The following LYPD6B variants were observed in gnomAD, a reference collection of about 807,000 sequenced individuals.
LYPD6B encodes LY6/PLAUR domain containing 6B, also known as ly6/PLAUR domain-containing protein 6B.
Under a neutral mutation model 22.8 loss-of-function variants are expected in LYPD6B, and 17 were observed. The ratio of observed to expected loss-of-function variants is 0.75; its 90% CI spans 0.51 to 1.12. The LOEUF (loss-of-function observed/expected upper bound fraction) is 1.12. Ranked by LOEUF, LYPD6B falls within the 50% of genes most tolerant of loss-of-function variation. The pLI is 0.00. For missense variants in LYPD6B, 221 were observed against 258.3 expected, an observed-to-expected ratio of 0.86 and a Z score of 0.99; for synonymous variants, 106 against 91.6, an observed-to-expected ratio of 1.16 and a Z score of -0.90.
chr2:149,125,672 A>G (rs763315033), intron 1 of LYPD6B, among the ~76,000 whole-genome samples: 2 of 152,156 alleles, frequency 1.3e-5, no homozygotes, highest in Admixed American at 1.3e-4. Context: ...CTTAACTCCA[A>G]TCACTCTCTC....
intron 1 of LYPD6B, among the ~76,000 whole-genome samples, chr2:149,053,112 C>G (rs1683638673): frequency 6.6e-6 from 1 of 152,018 alleles, no homozygotes; most frequent in Admixed American, 6.6e-5. Context: ...TAGTGTTGGA[C>G]AGAATAGTTT....
intron 1 of LYPD6B, among the ~76,000 whole-genome samples, chr2:149,056,502 G>A (rs1444918246): frequency 3.9e-5 from 6 of 152,188 alleles, no homozygotes; most frequent in African/African-American, 1.4e-4. Context: ...TCAAAGAATT[G>A]TAGAACTGGA....
At chr2:149,191,295 T>A in intron 3 of LYPD6B, among the ~76,000 whole-genome samples, 1 of 152,198 alleles carries the variant, frequency 6.6e-6, no homozygotes, top group Non-Finnish European at 1.5e-5. Context: ...CTTAATTAAA[T>A]AATGTAAAAT....
At chr2:149,041,551 A>G (rs1452651367) in intron 1 of LYPD6B, among the ~76,000 whole-genome samples, 2 of 152,204 alleles carry the variant, frequency 1.3e-5, no homozygotes, top group East Asian at 1.9e-4. Flanking sequence ...CTGAGCATCC[A>G]TGCTCCATGT....
At chr2:149,142,966 A>G (rs534311975) in intron 2 of LYPD6B, among the ~76,000 whole-genome samples, 1 of 152,372 alleles carries the variant, frequency 6.6e-6, no homozygotes, top group African/African-American at 2.4e-5. Context: ...AGTTGAAAAG[A>G]TAGTACAAAG....
rs1046021138 is a variant in LYPD6B, at chr2:149,138,573, G to T, written c.5+7620G>T. Among the ~76,000 whole-genome samples, 3 of 152,142 alleles carry T rather than the reference G, an allele frequency of 2.0e-5. No individual in the cohort carries two copies. The East Asian group carries it at 5.8e-4, about 29-fold the overall frequency. ...TTTTTTTAAGTAGACACAGGGTCTT[G>T]CTCTGTCACCCAGGCTGGAGTGCAG... is the stretch of plus-strand genomic sequence containing the variant. On this transcript the variant is annotated intron_variant, in intron 2 of 6. Coordinates refer to ENST00000409642, the MANE Select transcript of LYPD6B (RefSeq NM_177964.5).
At chr2:149,113,005 A>G (rs146645062) in intron 1 of LYPD6B, among the ~76,000 whole-genome samples, 12 of 152,198 alleles carry the variant, frequency 7.9e-5, no homozygotes, top group African/African-American at 2.9e-4. Flanking sequence ...GAAGGCAGAT[A>G]GAAGGTATGG....
At chr2:149,175,051 C>CTGTG (rs1400990741) in intron 3 of LYPD6B, among the ~76,000 whole-genome samples, 73 of 134,766 alleles carry the variant, frequency 5.4e-4, no homozygotes, top group African/African-American at 4.3e-4. Flanking sequence ...CTCTCTCTCT[C>CTGTG]TCTCTCTCTC....
intron 2 of LYPD6B, among the ~76,000 whole-genome samples, chr2:149,139,190 C>G (rs562440905): frequency 6.6e-6 from 1 of 152,158 alleles, no homozygotes; most frequent in Non-Finnish European, 1.5e-5. Context: ...CCTCCTGGAG[C>G]CCCTATGCTT....
intron 2 of LYPD6B, among the ~76,000 whole-genome samples, chr2:149,153,245 G>T (rs751691204): frequency 2.0e-5 from 3 of 152,134 alleles, no homozygotes; most frequent in Non-Finnish European, 4.4e-5. Context: ...TCTATTTAAG[G>T]ACAGTCAGTA....
At chr2:149,065,809 A>G (rs1684292585) in intron 1 of LYPD6B, among the ~76,000 whole-genome samples, 1 of 152,182 alleles carries the variant, frequency 6.6e-6, no homozygotes, top group Non-Finnish European at 1.5e-5. Context: ...CCCAGGCTCA[A>G]GCAGTCCTCT....
intron 1 of LYPD6B, among the ~76,000 whole-genome samples, chr2:149,100,471 G>A (rs576699864): frequency 6.0e-5 from 8 of 132,830 alleles, no homozygotes; most frequent in Non-Finnish European, 1.3e-4. Flanking sequence ...GGGTCCATTT[G>A]TCTCTGGGTA....
At chr2:149,152,991 C>T (rs1689469186) in intron 2 of LYPD6B, among the ~76,000 whole-genome samples, 1 of 152,146 alleles carries the variant, frequency 6.6e-6, no homozygotes, top group South Asian at 2.1e-4. Flanking sequence ...AGCACTAAGT[C>T]CCCTAATGGA....
intron 1 of LYPD6B, among the ~76,000 whole-genome samples, chr2:149,043,996 C>T (rs925179515): frequency 1.3e-5 from 2 of 152,096 alleles, no homozygotes; most frequent in Non-Finnish European, 2.9e-5. Flanking sequence ...TGTATGCTTA[C>T]TTCATGCCAA....
chr2:149,114,782 C>A (rs961202391), intron 1 of LYPD6B, among the ~76,000 whole-genome samples: 1 of 152,070 alleles, frequency 6.6e-6, no homozygotes, highest in Non-Finnish European at 1.5e-5. Context: ...GTCTAATGTT[C>A]TTAGAAAATC....
chr2:149,161,168 T>C (rs1391393959), intron 3 of LYPD6B, among the ~76,000 whole-genome samples: 1 of 152,110 alleles, frequency 6.6e-6, no homozygotes, highest in Non-Finnish European at 1.5e-5. Flanking sequence ...CAGTGACAGA[T>C]GGGGGTGCGT....
At chr2:149,187,435 G>C in intron 3 of LYPD6B, 1 of 1,531,290 alleles carries the variant, frequency 6.5e-7, no homozygotes, top group Middle Eastern at 1.7e-4. Flanking sequence ...GATGTGAAAG[G>C]CATTGTACAG....
At chr2:149,154,427 C>G (rs1689567898) in intron 2 of LYPD6B, among the ~76,000 whole-genome samples, 1 of 152,146 alleles carries the variant, frequency 6.6e-6, no homozygotes, top group South Asian at 2.1e-4. Context: ...GCATCTTTGA[C>G]TATGGCCTTC....
At chr2:149,160,900 G>T in intron 3 of LYPD6B, 65 bp downstream of exon 3, 1 of 1,192,244 alleles carries the variant, frequency 8.4e-7, no homozygotes. Flanking sequence ...TAAGTTGTTG[G>T]GAATGGACTC....
Sources: gnomAD v4.1 joint callset for allele counts (sites outside exome capture counted in the v4.1 genomes callset) on GRCh38, gnomAD v4.1.1 for gene constraint, MANE v1.5 for transcripts, NCBI Gene and HGNC (gene_info 2026-07-23, HGNC 2026-07-21) for gene names.